ACOX2: variants seen among roughly 807,000 people sequenced by gnomAD.
The protein encoded by ACOX2 is peroxisomal acyl-coenzyme A oxidase 2.
ACOX2 carries 59 observed loss-of-function variants against 77.5 expected under a neutral mutation model. The observed-to-expected ratio is 0.76, with a 90% confidence interval of 0.62 to 0.95. The LOEUF (loss-of-function observed/expected upper bound fraction) is 0.95, where lower values mean the gene tolerates loss of function less well. ACOX2 is among the 40% of genes least tolerant of loss of function. The pLI is 0.00. For missense variants in ACOX2, 837 were observed against 880.4 expected (o/e 0.95, Z 0.62); for synonymous variants, 317 against 340.1 (o/e 0.93, Z 0.75).
Position 58,534,314 on chromosome 3 carries a change from T to C in ACOX2, c.323+46A>G. 1 of 1,608,676 alleles carries C rather than the reference T, an allele frequency of 6.2e-7. No individual in the cohort carries two copies. The highest frequency in any genetic ancestry group is 8.5e-7 in the Non-Finnish European group (1 of 1,177,178). ...ATGGGGCTAGGGGGTTTCCAGGTGATCCCAGGTAGATCCCTCTCTAGTGGG... is the reference window on the plus strand; with the variant it reads ...ATGGGGCTAGGGGGTTTCCAGGTGACCCCAGGTAGATCCCTCTCTAGTGGG... On this transcript the variant is annotated intron_variant, in intron 3 of 14. Transcript: ENST00000302819. This position sits in a 1 kb window ranked among gnomAD's most constrained non-coding sequence, Gnocchi z 4.8.
rs905331208 is a variant in ACOX2, at chr3:58,526,994, C to T, written c.1156-338G>A. 5.9e-5 allele frequency among the ~76,000 whole-genome samples: 9 copies of T among 152,140 alleles called. No homozygotes were observed. The highest frequency in any genetic ancestry group is 4.6e-4 in the Admixed American group (7 of 15,282). ...GCTGGCCTGGGTTTTAGAAAGCTAG[C>T]TTATGAGGATGGGTGTCCACTGTAA... On this transcript the variant is annotated intron_variant, in intron 9 of 14. Transcript: ENST00000302819. This position sits in a 1 kb window ranked among gnomAD's most constrained non-coding sequence, Gnocchi z 4.3.
At position 58,524,819 on chromosome 3, in the gene ACOX2, G is replaced by A. The variant is rs2063383535; in HGVS notation, c.1347-214C>T. ...AGTCAGGCATATCCCAGGACCTGTG[G>A]AGCTGGGCCAGACACTCTCTGATCC... On this transcript the variant is annotated intron_variant, in intron 10 of 14. Transcript: ENST00000302819. This position sits in a 1 kb window ranked among gnomAD's most constrained non-coding sequence, Gnocchi z 5.5. Among the ~76,000 whole-genome samples, 1 of 152,126 alleles carries A rather than the reference G, an allele frequency of 6.6e-6. No homozygotes were observed. Among genetic ancestry groups the A allele is most frequent in the Non-Finnish European group, 1.5e-5 (1 of 67,974 alleles).
chr3:58,510,141 A>G (rs1215633821), intron 13 of ACOX2, among the ~76,000 whole-genome samples: 1 of 152,012 alleles, frequency 6.6e-6, no homozygotes, highest in Non-Finnish European at 1.5e-5. Context: ...CCAGACCAAT[A>G]TTTAGTATTG....
chr3:58,518,793 C>T (rs933573723), intron 12 of ACOX2, among the ~76,000 whole-genome samples: 5 of 149,778 alleles, frequency 3.3e-5, no homozygotes, highest in South Asian at 2.1e-4. Context: ...CCACCATGCC[C>T]GGCTTTTTTT....
chr3:58,536,778 A>C (rs2063484778), intron 1 of ACOX2, among the ~76,000 whole-genome samples: 1 of 152,116 alleles, frequency 6.6e-6, no homozygotes, highest in Admixed American at 6.5e-5. Flanking sequence ...ACCCTCTTTA[A>C]AACCCCAAGC....
At chr3:58,530,714 G>T (rs1048239820) in intron 7 of ACOX2, 76 bp from the exon 8 acceptor site, 5 of 1,481,848 alleles carry the variant, frequency 3.4e-6, no homozygotes, top group South Asian at 2.5e-5. Flanking sequence ...GAGCTGTGGG[G>T]CTCCACACAT....
In ACOX2 at chr3:58,512,552, C is replaced by CGTAA. The variant is rs2063295918; in HGVS notation, c.1851-3528_1851-3527insTTAC. Among the ~76,000 whole-genome samples the CGTAA allele has an allele frequency of 1.3e-5, 2 of 152,158 alleles. No individual in the cohort carries two copies. The highest frequency in any genetic ancestry group is 4.1e-4 in the South Asian group (2 of 4,824). On this transcript the variant is annotated intron_variant, in intron 13 of 14. Coordinates refer to ENST00000302819, the MANE Select transcript of ACOX2 (RefSeq NM_003500.4). This position sits in a 1 kb window ranked among gnomAD's most constrained non-coding sequence, Gnocchi z 4.8. ...AAGTCTTTGCAATGATCTACCTTAC[C>CGTAA]GTCTCTTCCCACCCCCTACTGTACT...
Position 58,533,057 on chromosome 3 carries a change from C to T in ACOX2, c.583+388G>A, listed in dbSNP as rs1413204259. Among the ~76,000 whole-genome samples the T allele has an allele frequency of 3.3e-5, 5 of 152,152 alleles. No homozygotes were observed. The highest frequency in any genetic ancestry group is 4.8e-5 in the African/African-American group (2 of 41,444). On this transcript the variant is annotated intron_variant, in intron 5 of 14. Transcript: ENST00000302819. The surrounding 1 kb of genome is among the most constrained non-coding windows in gnomAD (Gnocchi z 5.6). ...TTCTTTCCACTGTGTCATCACAGGGCCTGTGCTCTGGCTGGTGGCAAGCTC... is the reference window on the plus strand; with the variant it reads ...TTCTTTCCACTGTGTCATCACAGGGTCTGTGCTCTGGCTGGTGGCAAGCTC...
chr3:58,533,111 C>T lies in ACOX2; in HGVS notation c.583+334G>A, dbSNP rs191299603. On this transcript the variant is annotated intron_variant, in intron 5 of 14. Coordinates refer to ENST00000302819, the MANE Select transcript of ACOX2 (RefSeq NM_003500.4). This position sits in a 1 kb window ranked among gnomAD's most constrained non-coding sequence, Gnocchi z 5.6. ...CACTAACTCGGGAGATGAGAGGAAC[C>T]GGGGTTGTGAGGAGTGCCTAGGACT... Among the ~76,000 whole-genome samples the T allele has an allele frequency of 1.4e-4, 22 of 152,136 alleles. No individual in the cohort carries two copies. Among genetic ancestry groups the T allele is most frequent in the Middle Eastern group, 3.4e-3 (1 of 294 alleles).
Position 58,524,866 on chromosome 3 carries a change from T to G in ACOX2, c.1347-261A>C, listed in dbSNP as rs1349643360. Among the ~76,000 whole-genome samples the G allele has an allele frequency of 6.6e-6, 1 of 152,252 alleles. No homozygotes were observed. The highest frequency in any genetic ancestry group is 1.9e-4 in the East Asian group (1 of 5,196). On this transcript the variant is annotated intron_variant, in intron 10 of 14. Transcript: ENST00000302819. This position sits in a 1 kb window ranked among gnomAD's most constrained non-coding sequence, Gnocchi z 5.5. The stretch of plus-strand genomic sequence containing the variant: ...ATCCTGAACATAAACCCTTCTGTGA[T>G]CTGAGCAAACAGAATTTTCCATCAG...
chr3:58,506,948 C>G, intron 14 of ACOX2, among the ~76,000 whole-genome samples: 1 of 152,120 alleles, frequency 6.6e-6, no homozygotes, highest in African/African-American at 2.4e-5. Flanking sequence ...AAAAAATACA[C>G]TTTAAAAGTG....
At chr3:58,510,949 G>T (rs1202147906) in intron 13 of ACOX2, 6 of 455,922 alleles carry the variant, frequency 1.3e-5, no homozygotes, top group Non-Finnish European at 2.6e-5. Flanking sequence ...TTCATTTACT[G>T]TTTCTTTTTC....
rs899079408 is a variant in ACOX2, at chr3:58,525,839, A to G, written c.1346+627T>C. Among the ~76,000 whole-genome samples, 8 of 152,170 alleles carry G rather than the reference A, an allele frequency of 5.3e-5. No homozygotes were observed. Among genetic ancestry groups the G allele is most frequent in the African/African-American group, 1.9e-4 (8 of 41,436 alleles). On this transcript the variant is annotated intron_variant, in intron 10 of 14. Coordinates refer to ENST00000302819, the MANE Select transcript of ACOX2 (RefSeq NM_003500.4). This position sits in a 1 kb window ranked among gnomAD's most constrained non-coding sequence, Gnocchi z 5.0. ...GGAGTTGGAGAGCAGCCTGGCCAACATGGTGAAACCCCATCTCTACTAAAA... is the reference window on the plus strand; with the variant it reads ...GGAGTTGGAGAGCAGCCTGGCCAACGTGGTGAAACCCCATCTCTACTAAAA...
rs1003981701 is a variant in ACOX2 at position 58,535,432 on chromosome 3, A to G, written c.-91-235T>C. Among the ~76,000 whole-genome samples, 6 of 152,202 alleles carry G rather than the reference A, an allele frequency of 3.9e-5. No homozygotes were observed. Among genetic ancestry groups the G allele is most frequent in the African/African-American group, 1.4e-4 (6 of 41,444 alleles). On this transcript the variant is annotated intron_variant, in intron 1 of 14. Coordinates refer to ENST00000302819, the MANE Select transcript of ACOX2 (RefSeq NM_003500.4). This position sits in a 1 kb window ranked among gnomAD's most constrained non-coding sequence, Gnocchi z 4.8. ...GGCCTGACCCCAAAGATTGGGCTCT[A>G]TCCACTGCAGTTTGAGTTACATGAA...
chr3:58,535,005 T>G lies in ACOX2; in HGVS notation c.102A>C (p.Glu34Asp). 6.2e-7 allele frequency: 1 copy of G among 1,614,210 alleles called. No individual in the cohort carries two copies. Among genetic ancestry groups the G allele is most frequent in the Non-Finnish European group, 8.5e-7 (1 of 1,180,024 alleles). Reference sequence around the variant, plus strand: ...CTCCATCAAGGATGTTGGTGAGCCGTTCCACGTCAAAGGACTGCATATACC... The same window carrying G: ...CTCCATCAAGGATGTTGGTGAGCCGGTCCACGTCAAAGGACTGCATATACC... ...SERYMQSFDVERLTNILDGGA... is the reference protein window; with the variant it reads ...SERYMQSFDVDRLTNILDGGA... The change falls in exon 2 of 15, where the codon GAA becomes GAC. Residue 34 changes from glutamate (E) to aspartate (D), a missense_variant. Physicochemically the swap from Glu to Asp is conservative, Grantham distance 45. Transcript: ENST00000302819. The surrounding 1 kb of genome is among the most constrained non-coding windows in gnomAD (Gnocchi z 4.8).
chr3:58,519,117 G>A lies in ACOX2; in HGVS notation c.1633-1694C>T, dbSNP rs943310460. Among the ~76,000 whole-genome samples the A allele has an allele frequency of 6.6e-6, 1 of 151,714 alleles. No individual in the cohort carries two copies. The highest frequency in any genetic ancestry group is 1.5e-5 in the Non-Finnish European group (1 of 67,918). On this transcript the variant is annotated intron_variant, in intron 12 of 14. Transcript: ENST00000302819. The surrounding 1 kb of genome is among the most constrained non-coding windows in gnomAD (Gnocchi z 5.0). ...CTTGGGGGTTCGGCTGGGCGCGGTG[G>A]CTCACACCTATATCCCAGCACTTTG...
intron 12 of ACOX2, among the ~76,000 whole-genome samples, 171 bp from the exon 13 acceptor site, chr3:58,517,594 G>A (rs1438048532): frequency 7.2e-6 from 1 of 139,574 alleles, no homozygotes; most frequent in Non-Finnish European, 1.5e-5. Context: ...GCGTTTTGAT[G>A]TTGTGTATAT....
rs1044898751 is a variant in ACOX2 at position 58,524,913 on chromosome 3, A to G, written c.1347-308T>C. The stretch of plus-strand genomic sequence containing the variant: ...TCAGAACACTGTGATTTTGGGATTT[A>G]TAATGACTTGTACAGTGACTGGGTG... On this transcript the variant is annotated intron_variant, in intron 10 of 14. Transcript: ENST00000302819. This position sits in a 1 kb window ranked among gnomAD's most constrained non-coding sequence, Gnocchi z 5.5. 1.3e-5 allele frequency among the ~76,000 whole-genome samples: 2 copies of G among 152,246 alleles called. No homozygotes were observed. The highest frequency in any genetic ancestry group is 2.9e-5 in the Non-Finnish European group (2 of 68,038).
In ACOX2 at chr3:58,505,213, T is replaced by C. The variant is rs1470000214; in HGVS notation, c.*11A>G. 3 of 1,610,516 alleles carry C rather than the reference T, an allele frequency of 1.9e-6. No homozygotes were observed. The highest frequency in any genetic ancestry group is 2.5e-6 in the Non-Finnish European group (3 of 1,177,718). ...ATGGTGCTGGTTGCTTCTTGAATAC[T>C]GTTGGTTATTTCATAGCTTGGATCT... On this transcript the variant is annotated 3_prime_UTR_variant, in exon 15 of 15. Coordinates refer to ENST00000302819, the MANE Select transcript of ACOX2 (RefSeq NM_003500.4). The surrounding 1 kb of genome is among the most constrained non-coding windows in gnomAD (Gnocchi z 4.4).
Sources: allele counts gnomAD v4.1 joint callset (sites outside exome capture counted in the v4.1 genomes callset), GRCh38; gene constraint gnomAD v4.1.1; non-coding constraint Gnocchi (gnomAD v3.1); transcripts MANE v1.5; gene names NCBI Gene and HGNC (gene_info 2026-07-23, HGNC 2026-07-21).